Variants in TSHZ2 observed in about 807,000 individuals in gnomAD.
The protein encoded by TSHZ2 is teashirt homolog 2.
In TSHZ2, 21 loss-of-function variants were observed where a neutral mutation model predicts 74.4. The observed-to-expected ratio is 0.28, with a 90% CI of 0.20 to 0.41. The LOEUF (loss-of-function observed/expected upper bound fraction) is 0.41, where lower values mean the gene tolerates loss of function less well. TSHZ2 is among the 10% of genes least tolerant of loss of function. The pLI, the probability that TSHZ2 is intolerant of heterozygous loss-of-function variation, is 1.00. For synonymous variants in TSHZ2, 540 were observed against 515.3 expected (o/e 1.05, Z -0.65); for missense variants, 1,244 against 1,293.5 (o/e 0.96, Z 0.59).
intron 2 of TSHZ2, among the ~76,000 whole-genome samples, chr20:53,425,811 TTC>T (rs200205080): frequency 1.7e-4 from 25 of 151,480 alleles, no homozygotes; most frequent in African/African-American, 5.6e-4. Flanking sequence ...GTTTTTTTTT[TTC>T]TCACCATCTA....
intron 2 of TSHZ2, among the ~76,000 whole-genome samples, chr20:53,347,804 T>C (rs1314999735): frequency 4.6e-5 from 7 of 152,194 alleles, no homozygotes; most frequent in African/African-American, 1.7e-4. Flanking sequence ...TTTTTTTACT[T>C]TAATTATGGT....
intron 1 of TSHZ2, among the ~76,000 whole-genome samples, chr20:53,056,000 CTATTT>C (rs546192012): frequency 1.3e-5 from 2 of 152,266 alleles, no homozygotes; most frequent in South Asian, 4.2e-4. Context: ...TTTTCCATTG[CTATTT>C]TATTTTCTTC....
chr20:53,487,967 G>A lies in TSHZ2; in HGVS notation c.*832G>A, dbSNP rs1986338650. ...AGAACTGCAAATTGGGAGAATAGGT[G>A]AAATGCAGAATCTGAGAGAACGCGA... On this transcript the variant is annotated 3_prime_UTR_variant, in exon 3 of 3. Transcript: ENST00000371497. The A allele has an allele frequency of 6.6e-6, 1 of 152,236 alleles. No homozygotes were observed. 9.4% of individuals were successfully genotyped at this position (152,236 alleles called of 1,614,324 possible).
At chr20:53,448,442 C>G (rs1230607511) in intron 2 of TSHZ2, among the ~76,000 whole-genome samples, 4 of 152,048 alleles carry the variant, frequency 2.6e-5, no homozygotes, top group Non-Finnish European at 5.9e-5. Flanking sequence ...ATCAGGGAGT[C>G]CTGAGGGTTG....
At chr20:53,116,549 T>C (rs1323791787) in intron 1 of TSHZ2, among the ~76,000 whole-genome samples, 1 of 152,156 alleles carries the variant, frequency 6.6e-6, no homozygotes, top group Non-Finnish European at 1.5e-5. Context: ...TCTCAAGACA[T>C]TTTGCACAAT....
intron 1 of TSHZ2, among the ~76,000 whole-genome samples, chr20:53,017,442 T>C (rs1047009072): frequency 6.6e-6 from 1 of 152,206 alleles, no homozygotes; most frequent in Non-Finnish European, 1.5e-5. Flanking sequence ...GCCAACATTT[T>C]TTTTCTTTAA....
chr20:53,309,814 G>A (rs1379659620), intron 2 of TSHZ2, among the ~76,000 whole-genome samples: 2 of 152,186 alleles, frequency 1.3e-5, no homozygotes, highest in Non-Finnish European at 2.9e-5. Flanking sequence ...TGACTTGGAA[G>A]GGCATTTGCA....
At chr20:53,472,876 G>A (rs568735002) in intron 2 of TSHZ2, among the ~76,000 whole-genome samples, 28 of 151,996 alleles carry the variant, frequency 1.8e-4, no homozygotes, top group Non-Finnish European at 3.2e-4. Flanking sequence ...TTCCCTTTCC[G>A]AGTCAAAGAA....
intron 2 of TSHZ2, among the ~76,000 whole-genome samples, chr20:53,353,385 A>G (rs1223672304): frequency 6.6e-6 from 1 of 152,242 alleles, no homozygotes; most frequent in Non-Finnish European, 1.5e-5. Flanking sequence ...GTGTGTACAC[A>G]TACATGTCAT....
At chr20:53,218,997 A>G (rs981432898) in intron 1 of TSHZ2, among the ~76,000 whole-genome samples, 3 of 152,196 alleles carry the variant, frequency 2.0e-5, no homozygotes, top group Non-Finnish European at 1.5e-5. Flanking sequence ...TCAAAACAAG[A>G]TTGGGCAAAA....
chr20:53,354,743 C>A (rs549099475), intron 2 of TSHZ2, among the ~76,000 whole-genome samples: 5 of 152,312 alleles, frequency 3.3e-5, no homozygotes, highest in African/African-American at 4.8e-5. Flanking sequence ...CATATACAAG[C>A]AAGACTTTCC....
chr20:53,335,141 G>A (rs768062034), intron 2 of TSHZ2, among the ~76,000 whole-genome samples: 31 of 152,256 alleles, frequency 2.0e-4, no homozygotes, highest in Admixed American at 1.8e-3. Flanking sequence ...AGCAAGCAGC[G>A]TCAGCATCGC....
chr20:53,321,724 A>G (rs1467870614), intron 2 of TSHZ2, among the ~76,000 whole-genome samples: 1 of 150,064 alleles, frequency 6.7e-6, no homozygotes, highest in African/African-American at 2.5e-5. Flanking sequence ...AAGCCAGCAG[A>G]TGACAAATTG....
chr20:53,470,078 T>C (rs1319843228), intron 2 of TSHZ2, among the ~76,000 whole-genome samples: 1 of 152,178 alleles, frequency 6.6e-6, no homozygotes, highest in African/African-American at 2.4e-5. Context: ...TTCTTTCTGG[T>C]TTATTTTGTG....
At chr20:53,387,091 A>G (rs1303282547) in intron 2 of TSHZ2, among the ~76,000 whole-genome samples, 1 of 152,106 alleles carries the variant, frequency 6.6e-6, no homozygotes, top group African/African-American at 2.4e-5. Flanking sequence ...GACTTCACAC[A>G]CCTGCCTAGA....
chr20:53,406,557 A>G (rs1219730077), intron 2 of TSHZ2, among the ~76,000 whole-genome samples: 1 of 152,132 alleles, frequency 6.6e-6, no homozygotes, highest in African/African-American at 2.4e-5. Flanking sequence ...TGGACAAGCA[A>G]GGGCCACTAA....
At position 53,489,429 on chromosome 20, in the gene TSHZ2, T is replaced by C; in HGVS notation, c.*2294T>C. The C allele has an allele frequency of 9.1e-6, 3 of 329,016 alleles. No homozygotes were observed. The highest frequency in any genetic ancestry group is 4.1e-5 in the Admixed American group (1 of 24,594). The allele number at this position is 329,016 out of a possible 1,614,324, so 20.4% of individuals were successfully genotyped here. Reference sequence around the variant, plus strand: ...GAAAATCAATGCATTAGTATTGGGGTTCTCGTAGCTGTTAAAAATTGTCTG... The same window carrying C: ...GAAAATCAATGCATTAGTATTGGGGCTCTCGTAGCTGTTAAAAATTGTCTG... On this transcript the variant is annotated 3_prime_UTR_variant, in exon 3 of 3. Transcript: ENST00000371497.
At chr20:53,435,893 AAGTT>A (rs1417207778) in intron 2 of TSHZ2, among the ~76,000 whole-genome samples, 1 of 152,206 alleles carries the variant, frequency 6.6e-6, no homozygotes, top group East Asian at 1.9e-4. Context: ...GACTTTTAGT[AAGTT>A]ATTTATCACC....
At chr20:53,098,368 A>C (rs1332022369) in intron 1 of TSHZ2, among the ~76,000 whole-genome samples, 1 of 152,260 alleles carries the variant, frequency 6.6e-6, no homozygotes, top group African/African-American at 2.4e-5. Context: ...GGAAACAGTC[A>C]AAAAATTATA....
Sources: allele counts gnomAD v4.1 joint callset (sites outside exome capture counted in the v4.1 genomes callset), GRCh38; gene constraint gnomAD v4.1.1; transcripts MANE v1.5; gene names NCBI Gene and HGNC (gene_info 2026-07-23, HGNC 2026-07-21).